CD83: variants seen among roughly 807,000 people sequenced by gnomAD.
CD83 encodes CD83 molecule, also known as CD83 antigen.
CD83 carries 22 observed loss-of-function variants against 24.6 expected under a neutral mutation model. The ratio of observed to expected loss-of-function variants is 0.90; its 90% confidence interval spans 0.64 to 1.28. The LOEUF (loss-of-function observed/expected upper bound fraction) is 1.28, where lower values mean the gene tolerates loss of function less well. Among genes scored for constraint, CD83 ranks in the 50% most tolerant of loss-of-function variants. The pLI is 0.00. For synonymous variants in CD83, 101 were observed against 103.5 expected, an observed-to-expected ratio of 0.98 and a Z score of 0.14; for missense variants, 253 against 252.8, an observed-to-expected ratio of 1.00 and a Z score of -0.01.
chr6:14,118,581 A>T (rs1354634263), intron 2 of CD83, among the ~76,000 whole-genome samples: 1 of 152,118 alleles, frequency 6.6e-6, no homozygotes, highest in East Asian at 1.9e-4. Context: ...CATGGTAGTT[A>T]TCAGTGGTCA....
At chr6:14,133,520 C>G in intron 3 of CD83, 129 bp from the exon 4 acceptor site, 1 of 645,108 alleles carries the variant, frequency 1.6e-6, no homozygotes, top group Non-Finnish European at 2.8e-6. Flanking sequence ...CTGTTACTGT[C>G]GTTCATCCTG....
chr6:14,122,186 G>A (rs553444662), intron 2 of CD83, among the ~76,000 whole-genome samples: 2 of 152,320 alleles, frequency 1.3e-5, no homozygotes, highest in East Asian at 3.9e-4. Flanking sequence ...AAGAGCCCCA[G>A]CTGGGGCAGA....
At chr6:14,118,138 G>C (rs1384464965) in intron 2 of CD83, 73 bp downstream of exon 2, 1 of 1,124,590 alleles carries the variant, frequency 8.9e-7, no homozygotes, top group Non-Finnish European at 1.3e-6. Context: ...TCTCCCCTAG[G>C]CTGGCGACCC....
chr6:14,131,899 C>A, intron 3 of CD83, 151 bp downstream of exon 3: 2 of 619,394 alleles, frequency 3.2e-6, no homozygotes, highest in Non-Finnish European at 5.8e-6. Context: ...AGCATGTCAC[C>A]ATTTTCTCTT....
chr6:14,131,455 A>G, intron 2 of CD83, 65 bp from the exon 3 acceptor site: 1 of 1,185,244 alleles, frequency 8.4e-7, no homozygotes, highest in Non-Finnish European at 1.2e-6. Context: ...AACAAAATGG[A>G]AACATTGGTG....
upstream of CD83, chr6:14,117,704 C>A (rs1015883031): frequency 2.5e-6 from 2 of 789,966 alleles, no homozygotes; most frequent in African/African-American, 3.7e-5. This position sits in a 1 kb window ranked among gnomAD's most constrained non-coding sequence, Gnocchi z 4.6. Flanking sequence ...CCGGGGAATC[C>A]CCCGGGCTGG....
chr6:14,132,406 T>C (rs892980503), intron 3 of CD83, among the ~76,000 whole-genome samples: 1 of 152,204 alleles, frequency 6.6e-6, no homozygotes, highest in Non-Finnish European at 1.5e-5. Flanking sequence ...ATGAAGAGAA[T>C]AGCTGATTTT....
intron 2 of CD83, among the ~76,000 whole-genome samples, chr6:14,120,200 A>C (rs993546461): frequency 4.6e-5 from 7 of 152,160 alleles, no homozygotes; most frequent in African/African-American, 1.7e-4. Context: ...CCAATAAACG[A>C]ATCAGGTGCC....
chr6:14,119,063 G>A lies in CD83; in HGVS notation c.153+998G>A, dbSNP rs1326250834. Among the ~76,000 whole-genome samples, 7 of 152,338 alleles carry A rather than the reference G, an allele frequency of 4.6e-5. No individual in the cohort carries two copies. The East Asian group carries it at 1.3e-3, about 29-fold the overall frequency. ...CGTCTTTGGCCACTTAACAGTACAA[G>A]GCATCATTGCGGTGATCTCTTTGTG... On this transcript the variant is annotated intron_variant, in intron 2 of 4. Transcript: ENST00000379153.
At chr6:14,122,141 A>G (rs1759684770) in intron 2 of CD83, among the ~76,000 whole-genome samples, 1 of 152,156 alleles carries the variant, frequency 6.6e-6, no homozygotes, top group Admixed American at 6.6e-5. Context: ...GACTTCATAT[A>G]AAAGTCTACT....
At position 14,131,711 on chromosome 6, in the gene CD83, G is replaced by A. The variant is rs1757908814; in HGVS notation, c.345G>A (p.Gln115=). The A allele has an allele frequency of 6.2e-7, 1 of 1,614,168 alleles. No homozygotes were observed. Among genetic ancestry groups the A allele is most frequent in the South Asian group, 1.1e-5 (1 of 91,072 alleles). Residue 115 remains glutamine, a synonymous_variant, in exon 3 of 5, where the codon CAG becomes CAA. Transcript: ENST00000379153. ...YRCTLQDPDG[Q]RNLSGKVILR... ...GCACTCTGCAGGACCCGGATGGGCA[G>A]AGAAACCTAAGTGGCAAGGTGATCT...
intron 2 of CD83, among the ~76,000 whole-genome samples, chr6:14,121,254 C>T (rs376133237): frequency 8.6e-5 from 13 of 151,998 alleles, no homozygotes; most frequent in African/African-American, 2.9e-4. Flanking sequence ...ACTGCAGCCT[C>T]GACTTCCTGG....
At chr6:14,128,096 T>C (rs1759862762) in intron 2 of CD83, among the ~76,000 whole-genome samples, 1 of 152,184 alleles carries the variant, frequency 6.6e-6, no homozygotes, top group Non-Finnish European at 1.5e-5. Context: ...TTCTTGCCAG[T>C]GGTTGATTTT....
At chr6:14,121,883 G>T (rs1266191196) in intron 2 of CD83, among the ~76,000 whole-genome samples, 2 of 152,270 alleles carry the variant, frequency 1.3e-5, no homozygotes, top group South Asian at 2.1e-4. Context: ...GGATGACTTT[G>T]GTTGGAGTAC....
At position 14,133,709 on chromosome 6, in the gene CD83, T is replaced by A; in HGVS notation, c.443T>A (p.Leu148Gln). 1 of 1,613,864 alleles carries A rather than the reference T, an allele frequency of 6.2e-7. No homozygotes were observed. Among genetic ancestry groups the A allele is most frequent in the Non-Finnish European group, 8.5e-7 (1 of 1,179,754 alleles). The change falls in exon 4 of 5, where the codon CTG (leucine) becomes CAG (glutamine). Residue 148 changes from leucine (L) to glutamine (Q), a missense_variant. Physicochemically the swap from Leu to Gln is moderately radical, Grantham distance 113. Coordinates refer to ENST00000379153, the MANE Select transcript of CD83 (RefSeq NM_004233.4). ...AAATACAGAGCGGAGATTGTCCTGCTGCTGGCTCTGGTTATTTTCTACTTA... is the reference window on the plus strand; with the variant it reads ...AAATACAGAGCGGAGATTGTCCTGCAGCTGGCTCTGGTTATTTTCTACTTA... ...FKKYRAEIVLLLALVIFYLTL... is the reference protein window; with the variant it reads ...FKKYRAEIVLQLALVIFYLTL...
intron 2 of CD83, among the ~76,000 whole-genome samples, chr6:14,124,319 G>C (rs1759737459): frequency 6.6e-6 from 1 of 152,190 alleles, no homozygotes; most frequent in Non-Finnish European, 1.5e-5. Flanking sequence ...AGTCCTCGGG[G>C]TTACCGATTA....
intron 2 of CD83, 30 bp from the exon 3 acceptor site, chr6:14,131,490 C>T (rs747024436): frequency 6.5e-7 from 1 of 1,537,404 alleles, no homozygotes; most frequent in South Asian, 1.1e-5. Flanking sequence ...TTGCAGTGGA[C>T]CGTGATGCGC....
intron 2 of CD83, among the ~76,000 whole-genome samples, chr6:14,119,904 A>C (rs1377646523): frequency 1.3e-5 from 2 of 152,258 alleles, no homozygotes; most frequent in Admixed American, 6.5e-5. Flanking sequence ...GCACAGGGTC[A>C]TTTGGAATGG....
intron 2 of CD83, among the ~76,000 whole-genome samples, chr6:14,125,606 C>G (rs1464273545): frequency 6.6e-6 from 1 of 152,200 alleles, no homozygotes; most frequent in Admixed American, 6.5e-5. Context: ...AAGTTGCCTC[C>G]TCTAGAACCT....
Sources: gnomAD v4.1 joint callset for allele counts (sites outside exome capture counted in the v4.1 genomes callset) on GRCh38, gnomAD v4.1.1 for gene constraint, Gnocchi (gnomAD v3.1) non-coding constraint, MANE v1.5 for transcripts, NCBI Gene and HGNC (gene_info 2026-07-23, HGNC 2026-07-21) for gene names.